The following MARCHF6 variants were observed in gnomAD, a reference collection of about 807,000 sequenced individuals.
The protein encoded by MARCHF6 is membrane associated ring-CH-type finger 6.
A neutral mutation model predicts 133.7 loss-of-function variants in MARCHF6; 31 were observed. The observed-to-expected ratio is 0.23, with a 90% confidence interval of 0.17 to 0.31. MARCHF6 has a LOEUF of 0.31. Among genes scored for constraint, MARCHF6 ranks in the 10% least tolerant of loss-of-function variants. The pLI, the probability that MARCHF6 is intolerant of heterozygous loss-of-function variation, is 1.00. For missense variants in MARCHF6, 723 were observed against 1,121.6 expected, an observed-to-expected ratio of 0.64 and a Z score of 5.08; for synonymous variants, 395 against 402.5, an observed-to-expected ratio of 0.98 and a Z score of 0.22.
intron 15 of MARCHF6, among the ~76,000 whole-genome samples, chr5:10,404,082 T>C (rs923739840): frequency 2.0e-5 from 3 of 150,988 alleles, no homozygotes; most frequent in African/African-American, 7.3e-5. Flanking sequence ...TTTATTTACT[T>C]ATTTACTTTT....
At chr5:10,385,877 T>C (rs1414740118) in intron 4 of MARCHF6, among the ~76,000 whole-genome samples, 2 of 152,328 alleles carry the variant, frequency 1.3e-5, no homozygotes, top group Non-Finnish European at 2.9e-5. Context: ...TTAACAGTTA[T>C]TAATCACAAG....
At chr5:10,424,802 A>G (rs1740000127) in intron 23 of MARCHF6, among the ~76,000 whole-genome samples, 2 of 152,246 alleles carry the variant, frequency 1.3e-5, no homozygotes, top group Admixed American at 6.5e-5. Flanking sequence ...GGCTTCATCT[A>G]GCTACATAGT....
intron 17 of MARCHF6, among the ~76,000 whole-genome samples, chr5:10,408,786 G>C (rs1739056204): frequency 6.6e-6 from 1 of 152,112 alleles, no homozygotes; most frequent in African/African-American, 2.4e-5. Flanking sequence ...CCATCTGCCT[G>C]CCTCAGCCTC....
chr5:10,418,906 T>G (rs1435850769), intron 22 of MARCHF6, among the ~76,000 whole-genome samples: 2 of 152,200 alleles, frequency 1.3e-5, no homozygotes, highest in African/African-American at 4.8e-5. Flanking sequence ...ACATTTAATC[T>G]AGCTTTGGGA....
intron 1 of MARCHF6, among the ~76,000 whole-genome samples, chr5:10,357,959 T>A (rs1409627692): frequency 7.3e-6 from 1 of 137,842 alleles, no homozygotes; most frequent in Non-Finnish European, 1.5e-5. Flanking sequence ...TATGAGGGCA[T>A]GGGTTGCTTT....
intron 8 of MARCHF6, 77 bp downstream of exon 8, chr5:10,394,220 T>C: frequency 1.2e-6 from 1 of 811,876 alleles, no homozygotes; most frequent in South Asian, 2.3e-5. Flanking sequence ...TTTAGATGTA[T>C]ACACTAATGT....
chr5:10,371,750 T>G (rs1430072667), intron 1 of MARCHF6, among the ~76,000 whole-genome samples: 1 of 152,240 alleles, frequency 6.6e-6, no homozygotes, highest in East Asian at 1.9e-4. Context: ...TTGAATGTTG[T>G]GCTTTTTTAT....
intron 1 of MARCHF6, among the ~76,000 whole-genome samples, chr5:10,364,539 T>C (rs1157441668): frequency 6.6e-6 from 1 of 152,122 alleles, no homozygotes; most frequent in East Asian, 1.9e-4. Flanking sequence ...AAAGAAAAGC[T>C]TAGCATCCCT....
intron 19 of MARCHF6, chr5:10,413,140 T>C (rs1270884451): frequency 2.6e-5 from 4 of 152,318 alleles, no homozygotes; most frequent in African/African-American, 9.6e-5. Flanking sequence ...CAGTGGCTTA[T>C]TCTAGAGGAC....
chr5:10,434,085 C>T lies in MARCHF6; in HGVS notation c.*401C>T, dbSNP rs1326247470. ...GACTTTTCAGTGACGCCTTGTGGAA[C>T]GCAGTTCATGATGTCCTAGCAGCTC... On this transcript the variant is annotated 3_prime_UTR_variant, in exon 26 of 26. Coordinates refer to ENST00000274140, the MANE Select transcript of MARCHF6 (RefSeq NM_005885.4). 1.1e-5 allele frequency: 2 copies of T among 181,334 alleles called. No homozygotes were observed. The highest frequency in any genetic ancestry group is 2.8e-3 in the Middle Eastern group (1 of 360). The allele number at this position is 181,334 out of a possible 1,614,324, so 11.2% of individuals were successfully genotyped here. A position where few individuals can be genotyped will look rare whatever the true frequency, so the allele number is the denominator to read the frequency against.
chr5:10,432,494 C>G (rs1740417288), intron 25 of MARCHF6, among the ~76,000 whole-genome samples: 1 of 152,378 alleles, frequency 6.6e-6, no homozygotes, highest in Middle Eastern at 3.4e-3. Flanking sequence ...CAGCTTGTTG[C>G]TTTCCAGCTT....
Position 10,423,062 on chromosome 5 carries a change from G to C in MARCHF6, c.2284-673G>C, listed in dbSNP as rs144695326. Among the ~76,000 whole-genome samples, 150 of 152,006 alleles carry C rather than the reference G, an allele frequency of 9.9e-4. 2 individuals are homozygous for C. In the East Asian group the frequency reaches 0.023, roughly 23 times the overall value. ...TTTTAAATAAGCTAGATAGAGACCA[G>C]GTTATAAAGGGTTTTGTGTGCCTTG... is the stretch of plus-strand genomic sequence containing the variant. On this transcript the variant is annotated intron_variant, in intron 22 of 25. Transcript: ENST00000274140.
chr5:10,371,462 A>G (rs1031436831), intron 1 of MARCHF6, among the ~76,000 whole-genome samples: 3 of 152,192 alleles, frequency 2.0e-5, no homozygotes, highest in Non-Finnish European at 2.9e-5. Flanking sequence ...ATCATGGTGG[A>G]GGGCAAGGAG....
intron 1 of MARCHF6, among the ~76,000 whole-genome samples, chr5:10,364,456 C>G (rs1217074523): frequency 2.0e-5 from 3 of 152,104 alleles, no homozygotes; most frequent in Non-Finnish European, 4.4e-5. Context: ...CTAGAAAACA[C>G]CCCTTTCTTC....
At chr5:10,396,690 A>G (rs1257937069) in intron 9 of MARCHF6, among the ~76,000 whole-genome samples, 4 of 152,114 alleles carry the variant, frequency 2.6e-5, no homozygotes, top group Admixed American at 2.6e-4. Context: ...GGCTGAAGGA[A>G]TAGGCAGATA....
At chr5:10,380,155 T>TTGTGTGTGTGTGTGTG (rs200405883) in intron 3 of MARCHF6, among the ~76,000 whole-genome samples, 11 of 145,852 alleles carry the variant, frequency 7.5e-5, no homozygotes, top group African/African-American at 2.0e-4. Flanking sequence ...TGTGTTTTAG[T>TTGTGTGTGTGTGTGTG]TGTGTGTGTG....
chr5:10,356,291 A>G (rs908454888), intron 1 of MARCHF6, among the ~76,000 whole-genome samples: 2 of 151,614 alleles, frequency 1.3e-5, no homozygotes, highest in South Asian at 2.1e-4. Flanking sequence ...TTAAAAAAAA[A>G]TCAGTATCAC....
chr5:10,430,288 T>G (rs1162825966), intron 25 of MARCHF6, among the ~76,000 whole-genome samples: 3 of 149,670 alleles, frequency 2.0e-5, no homozygotes, highest in Non-Finnish European at 3.0e-5. Context: ...GAGGGAGGTT[T>G]TTTTTTTTTG....
chr5:10,412,580 T>G (rs1739292798), intron 19 of MARCHF6, among the ~76,000 whole-genome samples: 1 of 152,056 alleles, frequency 6.6e-6, no homozygotes, highest in African/African-American at 2.4e-5. Context: ...AGAGTTGTGT[T>G]GTTTTGTTTT....
Sources: allele counts gnomAD v4.1 joint callset (sites outside exome capture counted in the v4.1 genomes callset), GRCh38; gene constraint gnomAD v4.1.1; transcripts MANE v1.5; gene names NCBI Gene and HGNC (gene_info 2026-07-23, HGNC 2026-07-21).